The following CDH13 variants were observed in gnomAD, a reference collection of about 807,000 sequenced individuals.
CDH13 encodes the protein cadherin-13.
A neutral mutation model predicts 63.8 loss-of-function variants in CDH13; 24 were observed. The ratio of observed to expected loss-of-function variants is 0.38; its 90% CI spans 0.27 to 0.53. CDH13 has a LOEUF of 0.53. Ranked by LOEUF, CDH13 falls within the 20% of genes least tolerant of loss-of-function variation. The pLI, the probability that CDH13 is intolerant of heterozygous loss-of-function variation, is 0.85. For missense variants in CDH13, 1,049 were observed against 903.1 expected (o/e 1.16, Z -2.07); for synonymous variants, 503 against 355.3 (o/e 1.42, Z -4.67).
intron 8 of CDH13, among the ~76,000 whole-genome samples, chr16:83,650,184 A>T (rs778916603): frequency 6.6e-6 from 1 of 152,136 alleles, no homozygotes; most frequent in East Asian, 1.9e-4. Flanking sequence ...TATAAAATGT[A>T]TTTATTGAAA....
chr16:83,644,685 G>A (rs1473662825), intron 8 of CDH13, among the ~76,000 whole-genome samples: 1 of 152,164 alleles, frequency 6.6e-6, no homozygotes, highest in East Asian at 1.9e-4. Context: ...GTCCAGAAAC[G>A]CATCTGGTAC....
At chr16:82,643,165 A>T (rs1909628596) in intron 1 of CDH13, among the ~76,000 whole-genome samples, 1 of 152,202 alleles carries the variant, frequency 6.6e-6, no homozygotes, top group South Asian at 2.1e-4. Context: ...AATAAACCCC[A>T]AACCTGGGAA....
At chr16:83,750,110 A>G (rs1474389285) in intron 11 of CDH13, among the ~76,000 whole-genome samples, 1 of 152,146 alleles carries the variant, frequency 6.6e-6, no homozygotes, top group African/African-American at 2.4e-5. Context: ...AGCCTGGCCA[A>G]TATGGTGAAA....
In CDH13 at chr16:83,442,659, G is replaced by A. The variant is rs183229252; in HGVS notation, c.782-43818G>A. On this transcript the variant is annotated intron_variant, in intron 6 of 13. Coordinates refer to ENST00000567109, the MANE Select transcript of CDH13 (RefSeq NM_001257.5). ...AGATGTAACAAACGACTTTCCAAGT[G>A]ATCAGTGACATCCCAAGTTAGGGCT... Among the ~76,000 whole-genome samples, 5 of 152,284 alleles carry A rather than the reference G, an allele frequency of 3.3e-5. No individual in the cohort carries two copies. The East Asian group carries it at 9.6e-4, about 29-fold the overall frequency.
At chr16:83,107,869 G>T (rs1057165075) in intron 3 of CDH13, among the ~76,000 whole-genome samples, 2 of 151,804 alleles carry the variant, frequency 1.3e-5, no homozygotes, top group African/African-American at 2.4e-5. Flanking sequence ...GCCCAGGCTG[G>T]AGTGCATTGG....
chr16:82,998,410 G>C (rs539843603), intron 2 of CDH13, among the ~76,000 whole-genome samples: 2 of 152,206 alleles, frequency 1.3e-5, no homozygotes, highest in South Asian at 2.1e-4. Flanking sequence ...TTTCTATTTT[G>C]TTTTGTCCTG....
At chr16:83,726,215 C>A (rs376425131) in intron 10 of CDH13, 1 of 152,276 alleles carries the variant, frequency 6.6e-6, no homozygotes, top group African/African-American at 2.4e-5. Flanking sequence ...TTAGAAGGCA[C>A]CTTAGAGACC....
intron 2 of CDH13, among the ~76,000 whole-genome samples, chr16:83,019,045 G>A (rs1915088392): frequency 6.6e-6 from 1 of 152,046 alleles, no homozygotes; most frequent in Non-Finnish European, 1.5e-5. Flanking sequence ...GTACACTTAG[G>A]CTATACTAAG....
intron 1 of CDH13, among the ~76,000 whole-genome samples, chr16:82,792,469 A>T (rs4782730): frequency 0.67 from 101,394 of 152,030 alleles, 36,115 homozygotes; most frequent in South Asian, 0.81. Flanking sequence ...AAGTCCCAAT[A>T]CACAATTCAG....
At chr16:82,661,181 C>T (rs1313942330) in intron 1 of CDH13, among the ~76,000 whole-genome samples, 2 of 152,158 alleles carry the variant, frequency 1.3e-5, no homozygotes, top group Admixed American at 1.3e-4. Context: ...TCATTGTTTA[C>T]GCTGACCTAG....
chr16:83,581,544 C>A (rs141849136), intron 7 of CDH13, among the ~76,000 whole-genome samples: 1 of 152,252 alleles, frequency 6.6e-6, no homozygotes, highest in Non-Finnish European at 1.5e-5. Context: ...CTTGGCCAGG[C>A]ACAGTGGCTC....
chr16:83,094,680 C>T (rs997819190), intron 3 of CDH13, among the ~76,000 whole-genome samples: 1 of 152,184 alleles, frequency 6.6e-6, no homozygotes, highest in South Asian at 2.1e-4. Context: ...GGGATCTGAG[C>T]AGCAAATCCC....
At position 83,006,021 on chromosome 16, in the gene CDH13, T is replaced by A. The variant is rs187013065; in HGVS notation, c.158-25989T>A. 7.9e-5 allele frequency among the ~76,000 whole-genome samples: 12 copies of A among 152,336 alleles called. No individual in the cohort carries two copies. In the East Asian group the frequency reaches 2.1e-3, roughly 27 times the overall value. ...CAATAGAATTTAAGTATTTTTGAAA[T>A]GTACTCAGTTCAGATTCACCATTAC... On this transcript the variant is annotated intron_variant, in intron 2 of 13. Coordinates refer to ENST00000567109, the MANE Select transcript of CDH13 (RefSeq NM_001257.5).
chr16:83,246,718 G>A (rs969933959), intron 5 of CDH13, among the ~76,000 whole-genome samples: 7 of 152,056 alleles, frequency 4.6e-5, no homozygotes, highest in African/African-American at 1.4e-4. Flanking sequence ...TTTACTCTTC[G>A]CCGGTGTTGC....
chr16:83,571,920 G>A (rs1904662632), intron 7 of CDH13, among the ~76,000 whole-genome samples: 2 of 152,104 alleles, frequency 1.3e-5, no homozygotes, highest in South Asian at 2.1e-4. Context: ...CATGGGGACA[G>A]ATCCTGGCTC....
At chr16:82,629,496 C>T (rs12051213) in intron 1 of CDH13, among the ~76,000 whole-genome samples, 60,409 of 151,984 alleles carry the variant, frequency 0.4, 12,654 homozygotes, top group Non-Finnish European at 0.46. Context: ...TCTTCGAGGC[C>T]TTGAGTCGAC....
At chr16:83,542,206 G>T (rs1310389703) in intron 7 of CDH13, among the ~76,000 whole-genome samples, 1 of 152,142 alleles carries the variant, frequency 6.6e-6, no homozygotes, top group African/African-American at 2.4e-5. Flanking sequence ...CATCACTCTA[G>T]ACCAGCAGTT....
chr16:83,364,677 T>C (rs528828148), intron 6 of CDH13, among the ~76,000 whole-genome samples: 14 of 152,294 alleles, frequency 9.2e-5, no homozygotes, highest in African/African-American at 3.4e-4. Flanking sequence ...TTTGGGACTT[T>C]TATGAATGTT....
At chr16:83,534,385 C>T (rs1018248731) in intron 7 of CDH13, among the ~76,000 whole-genome samples, 14 of 152,202 alleles carry the variant, frequency 9.2e-5, no homozygotes, top group African/African-American at 3.1e-4. Flanking sequence ...AGGGAAAATG[C>T]TGGCAGTGCA....
Sources: gnomAD v4.1 joint callset for allele counts (sites outside exome capture counted in the v4.1 genomes callset) on GRCh38, gnomAD v4.1.1 for gene constraint, MANE v1.5 for transcripts, NCBI Gene and HGNC (gene_info 2026-07-23, HGNC 2026-07-21) for gene names.